The following MDGA1 variants were observed in gnomAD, a reference collection of about 807,000 sequenced individuals.
The protein encoded by MDGA1 is MAM domain containing glycosylphosphatidylinositol anchor 1, also known as MAM domain-containing glycosylphosphatidylinositol anchor protein 1.
A neutral mutation model predicts 101.5 loss-of-function variants in MDGA1; 54 were observed. That is an observed-to-expected ratio of 0.53 (90% CI 0.43 to 0.67). MDGA1 has a LOEUF of 0.67. Ranked by LOEUF, MDGA1 falls within the 30% of genes least tolerant of loss-of-function variation. MDGA1 has a pLI of 0.00. For missense variants in MDGA1, 1,083 were observed against 1,323.8 expected (o/e 0.82, Z 2.82); for synonymous variants, 533 against 558.3 (o/e 0.95, Z 0.64).
At chr6:37,656,101 C>G (rs1005581885) in intron 3 of MDGA1, among the ~76,000 whole-genome samples, 41 of 143,870 alleles carry the variant, frequency 2.8e-4, no homozygotes, top group Middle Eastern at 3.6e-3. Flanking sequence ...TCTTTTGAGA[C>G]AGAGTCTTGC....
At chr6:37,673,294 C>A (rs1160678098) in intron 1 of MDGA1, among the ~76,000 whole-genome samples, 3 of 152,222 alleles carry the variant, frequency 2.0e-5, no homozygotes, top group Non-Finnish European at 4.4e-5. Flanking sequence ...GAAACCGTCC[C>A]TCCCTCGCCG....
At chr6:37,647,382 G>C (rs1761232817) in intron 9 of MDGA1, 58 bp from the exon 10 acceptor site, 3 of 1,112,550 alleles carry the variant, frequency 2.7e-6, no homozygotes, top group Non-Finnish European at 3.8e-6. Context: ...GACACAAAGA[G>C]AGGAGGTGTG....
rs1363704001 is a variant in MDGA1 at position 37,696,669 on chromosome 6, G to A, written c.67+76C>T. 25 of 1,407,714 alleles carry A rather than the reference G, an allele frequency of 1.8e-5. No homozygotes were observed. The highest frequency in any genetic ancestry group is 2.5e-5 in the Non-Finnish European group (25 of 1,016,506). 87.2% of individuals were successfully genotyped at this position (1,407,714 alleles called of 1,614,324 possible). On this transcript the variant is annotated intron_variant, in intron 1 of 16. Coordinates refer to ENST00000434837, the MANE Select transcript of MDGA1 (RefSeq NM_153487.4). This position sits in a 1 kb window ranked among gnomAD's most constrained non-coding sequence, Gnocchi z 5.6. ...GAGTCGAGGTCTCCACCAAACCCCG[G>A]CAGCGCGCACTTTGCGCCTCTTGCA... is the stretch of plus-strand genomic sequence containing the variant.
chr6:37,653,976 T>TA (rs34929120), intron 6 of MDGA1, among the ~76,000 whole-genome samples: 35,621 of 150,464 alleles, frequency 0.24, 4,348 homozygotes, highest in Middle Eastern at 0.36. Flanking sequence ...TTCCCAATCT[T>TA]AAAAAAAAAA....
chr6:37,665,177 C>T (rs1761719957), intron 1 of MDGA1, among the ~76,000 whole-genome samples: 1 of 152,122 alleles, frequency 6.6e-6, no homozygotes, highest in Non-Finnish European at 1.5e-5. Flanking sequence ...TGTCTAGCCC[C>T]ATCGTCCTAA....
At chr6:37,686,641 GGTCTCAAA>G (rs1337991568) in intron 1 of MDGA1, among the ~76,000 whole-genome samples, 1 of 151,972 alleles carries the variant, frequency 6.6e-6, no homozygotes, top group Non-Finnish European at 1.5e-5. Context: ...TGCCCAGGCT[GGTCTCAAA>G]CTCCTGACCT....
At position 37,655,967 on chromosome 6, in the gene MDGA1, G is replaced by A. The variant is rs946426251; in HGVS notation, c.383-71C>T. On this transcript the variant is annotated intron_variant, in intron 3 of 16. Transcript: ENST00000434837. This position sits in a 1 kb window ranked among gnomAD's most constrained non-coding sequence, Gnocchi z 5.1. ...GGTTGGGGGGCTCAGGCTCCTGGCA[G>A]CCCTTAGGAAGAGCTGAGCCACCCT... is the stretch of plus-strand genomic sequence containing the variant. 139 of 1,364,164 alleles carry A rather than the reference G, an allele frequency of 1.0e-4. No homozygotes were observed. The East Asian group carries it at 1.4e-3, about 14-fold the overall frequency. 84.5% of individuals were successfully genotyped at this position (1,364,164 alleles called of 1,614,324 possible).
chr6:37,660,757 A>C (rs1761603991), intron 2 of MDGA1, among the ~76,000 whole-genome samples: 1 of 152,090 alleles, frequency 6.6e-6, no homozygotes. Context: ...TGTTGGGTCT[A>C]TGGACTGACT....
intron 6 of MDGA1, among the ~76,000 whole-genome samples, chr6:37,653,404 G>C (rs958402422): frequency 2.0e-5 from 3 of 152,134 alleles, no homozygotes; most frequent in Non-Finnish European, 4.4e-5. Context: ...GAAACTGACT[G>C]GTCAGTGAGA....
chr6:37,674,661 G>A (rs534780133), intron 1 of MDGA1, among the ~76,000 whole-genome samples: 1 of 152,284 alleles, frequency 6.6e-6, no homozygotes, highest in Admixed American at 6.5e-5. Flanking sequence ...AGGGTGTCTG[G>A]ACAGGCCACC....
intron 1 of MDGA1, among the ~76,000 whole-genome samples, chr6:37,679,268 G>A (rs1039471996): frequency 2.0e-5 from 3 of 152,114 alleles, no homozygotes; most frequent in Non-Finnish European, 4.4e-5. Flanking sequence ...GATGGAGAAG[G>A]ACAACTGGAC....
At chr6:37,637,536 G>A (rs969691034) in intron 16 of MDGA1, 77 bp from the exon 17 acceptor site, 34 of 1,300,640 alleles carry the variant, frequency 2.6e-5, no homozygotes, top group South Asian at 1.4e-4. Context: ...CAGGCAGGTC[G>A]GCACTGTTAC....
At chr6:37,656,864 A>G (rs938875194) in intron 3 of MDGA1, among the ~76,000 whole-genome samples, 89 of 152,284 alleles carry the variant, frequency 5.8e-4, no homozygotes, top group African/African-American at 2.0e-3. Context: ...CTGTTTCCTC[A>G]TTGGTAAACT....
chr6:37,666,359 CAA>C (rs34277023), intron 1 of MDGA1, among the ~76,000 whole-genome samples: 17,933 of 99,592 alleles, frequency 0.18, 1,255 homozygotes, highest in African/African-American at 0.25. Flanking sequence ...CACTCCGTCT[CAA>C]AAAAAAAAAA....
Position 37,655,437 on chromosome 6 carries a change from G to A in MDGA1, c.579+263C>T, listed in dbSNP as rs1035759960. ...AGCAGCAGACTGGGATGACCTGTCT[G>A]CCCCTAGGGGTGCCTTTTCCTAACT... On this transcript the variant is annotated intron_variant, in intron 4 of 16. Coordinates refer to ENST00000434837, the MANE Select transcript of MDGA1 (RefSeq NM_153487.4). This position sits in a 1 kb window ranked among gnomAD's most constrained non-coding sequence, Gnocchi z 5.1. 2 of 414,466 alleles carry A rather than the reference G, an allele frequency of 4.8e-6. No homozygotes were observed. Among genetic ancestry groups the A allele is most frequent in the African/African-American group, 4.0e-5 (2 of 50,398 alleles). 25.7% of individuals were successfully genotyped at this position (414,466 alleles called of 1,614,324 possible).
Position 37,645,837 on chromosome 6 carries a change from G to T in MDGA1, c.2248+96C>A, listed in dbSNP as rs890902503. 4.2e-6 allele frequency: 6 copies of T among 1,413,294 alleles called. No homozygotes were observed. The African/African-American group carries it at 7.1e-5, about 17-fold the overall frequency. 87.5% of individuals were successfully genotyped at this position (1,413,294 alleles called of 1,614,324 possible). A position where few individuals can be genotyped will look rare whatever the true frequency, so the allele number is the denominator to read the frequency against. On this transcript the variant is annotated intron_variant, in intron 12 of 16. Coordinates refer to ENST00000434837, the MANE Select transcript of MDGA1 (RefSeq NM_153487.4). ...CACAGGGGGAATTCATTTTCTCTCT[G>T]ACTATCTCAAGGATAGCCTATCTCC...
In MDGA1 at chr6:37,652,165, C is replaced by T. The variant is rs1561845957; in HGVS notation, c.1158G>A (p.Val386=). The T allele has an allele frequency of 6.2e-7, 1 of 1,613,974 alleles. No individual in the cohort carries two copies. ...KPARMSKRLL[V]TRNDPELPAV... ...CGGGCAGCTCAGGATCATTGCGGGT[C>T]ACCAGCAGCCGCTTGGACATGCGTG... The change falls in exon 7 of 17, where the codon GTG becomes GTA. Residue 386 remains valine (V), a synonymous_variant. Coordinates refer to ENST00000434837, the MANE Select transcript of MDGA1 (RefSeq NM_153487.4). This position sits in a 1 kb window ranked among gnomAD's most constrained non-coding sequence, Gnocchi z 4.3.
chr6:37,677,100 CTTA>C (rs750562374), intron 1 of MDGA1, among the ~76,000 whole-genome samples: 7 of 152,186 alleles, frequency 4.6e-5, no homozygotes, highest in Admixed American at 1.3e-4. Context: ...TAGAGCAGGA[CTTA>C]TTATTATTAG....
At chr6:37,660,451 C>G (rs1761596077) in intron 2 of MDGA1, among the ~76,000 whole-genome samples, 1 of 152,092 alleles carries the variant, frequency 6.6e-6, no homozygotes, top group African/African-American at 2.4e-5. Flanking sequence ...CTTTGTCTTC[C>G]CTGGACTCCA....
Sources: gnomAD v4.1 joint callset for allele counts (sites outside exome capture counted in the v4.1 genomes callset) on GRCh38, gnomAD v4.1.1 for gene constraint, Gnocchi (gnomAD v3.1) non-coding constraint, MANE v1.5 for transcripts, NCBI Gene and HGNC (gene_info 2026-07-23, HGNC 2026-07-21) for gene names.